The following MDGA2 variants were observed in gnomAD, a reference collection of about 807,000 sequenced individuals.
The protein encoded by MDGA2 is MAM domain containing glycosylphosphatidylinositol anchor 2, also known as MAM domain-containing glycosylphosphatidylinositol anchor protein 2.
Under a neutral mutation model 117.8 loss-of-function variants are expected in MDGA2, and 40 were observed. The ratio of observed to expected loss-of-function variants is 0.34; its 90% confidence interval spans 0.26 to 0.44. The LOEUF is 0.44. MDGA2 is among the 20% of genes least tolerant of loss of function. The pLI, the probability that MDGA2 is intolerant of heterozygous loss-of-function variation, is 1.00. For missense variants in MDGA2, 1,123 were observed against 1,250.6 expected, an observed-to-expected ratio of 0.90 and a Z score of 1.54; for synonymous variants, 452 against 439.0, an observed-to-expected ratio of 1.03 and a Z score of -0.37.
chr14:47,119,174 G>A lies in MDGA2; in HGVS notation c.925+12540C>T, dbSNP rs58975285. Among the ~76,000 whole-genome samples, 10 of 7,416 alleles carry A rather than the reference G, an allele frequency of 1.3e-3. 1 individual carries two copies. The highest frequency in any genetic ancestry group is 1.4e-3 in the African/African-American group (7 of 5,172). 4.9% of individuals were successfully genotyped at this position (7,416 alleles called of 152,430 possible). A position where few individuals can be genotyped will look rare whatever the true frequency, so the allele number is the denominator to read the frequency against. ...CACGCCATTCTCCTGCCTCAGCCCC[G>A]CCCCCCCCCCCCCACCCCGTAGCTG... On this transcript the variant is annotated intron_variant, in intron 5 of 16. Transcript: ENST00000399232.
chr14:46,971,408 G>C (rs1397919378), intron 8 of MDGA2, among the ~76,000 whole-genome samples: 1 of 152,124 alleles, frequency 6.6e-6, no homozygotes, highest in Non-Finnish European at 1.5e-5. Context: ...TCATGCAGTA[G>C]CATGGATGAA....
At chr14:46,851,143 T>G (rs565915828) in intron 15 of MDGA2, among the ~76,000 whole-genome samples, 2 of 152,012 alleles carry the variant, frequency 1.3e-5, no homozygotes, top group South Asian at 4.1e-4. Flanking sequence ...AACCTGTTTC[T>G]AAGTCTTTAA....
intron 1 of MDGA2, among the ~76,000 whole-genome samples, chr14:47,597,845 T>C (rs199618845): frequency 7.8e-4 from 110 of 141,318 alleles, no homozygotes; most frequent in South Asian, 1.7e-3. Flanking sequence ...CACACACACA[T>C]ACACACACAC....
chr14:47,305,125 G>A (rs572353779), intron 1 of MDGA2: 1 of 152,072 alleles, frequency 6.6e-6, no homozygotes, highest in Non-Finnish European at 1.5e-5. Context: ...TTCTATTTTA[G>A]CAACTATCAC....
At chr14:47,263,786 A>G (rs1193426142) in intron 2 of MDGA2, among the ~76,000 whole-genome samples, 1 of 152,176 alleles carries the variant, frequency 6.6e-6, no homozygotes, top group Non-Finnish European at 1.5e-5. Flanking sequence ...TCTTTATATC[A>G]AAATGAAAAA....
intron 1 of MDGA2, among the ~76,000 whole-genome samples, chr14:47,372,280 CA>C (rs541737815): frequency 6.0e-5 from 9 of 150,124 alleles, no homozygotes; most frequent in Admixed American, 2.7e-4. Flanking sequence ...TGGCAAAAAA[CA>C]AAAAAAAGTC....
intron 3 of MDGA2, among the ~76,000 whole-genome samples, chr14:47,197,955 G>A (rs1053940957): frequency 4.1e-4 from 62 of 152,172 alleles, no homozygotes; most frequent in South Asian, 4.2e-4. Context: ...TATTATTTTA[G>A]CACTATGGAG....
intron 8 of MDGA2, among the ~76,000 whole-genome samples, chr14:47,003,232 G>A (rs1887593768): frequency 6.6e-6 from 1 of 152,076 alleles, no homozygotes; most frequent in Non-Finnish European, 1.5e-5. Context: ...GTTGTTGCCA[G>A]CTTTTGACTA....
In MDGA2 at chr14:47,674,580, G is replaced by A. The variant is rs1245067807; in HGVS notation, c.217C>T (p.Leu73=). 1.3e-6 allele frequency: 2 copies of A among 1,551,430 alleles called. No homozygotes were observed. Among genetic ancestry groups the A allele is most frequent in the African/African-American group, 2.7e-5 (2 of 72,994 alleles). Residue 73 remains leucine (L), a synonymous_variant, in exon 1 of 17, where the codon CTG becomes TTG. Transcript: ENST00000399232. ...GTCAGCAGCCACACGAGACCGTACA[G>A]TAAATCCATCTTCACGTGAACATGA... ...YVHVHVKMDL[L]YGLVWLLTVL... is the part of the protein sequence containing the mutation.
chr14:47,198,446 C>T (rs148524272), intron 3 of MDGA2, among the ~76,000 whole-genome samples: 1 of 152,094 alleles, frequency 6.6e-6, no homozygotes, highest in Non-Finnish European at 1.5e-5. Context: ...GTGGCAGGCA[C>T]CTGTAGTCCC....
intron 1 of MDGA2, among the ~76,000 whole-genome samples, chr14:47,641,859 A>G (rs1319650015): frequency 1.3e-5 from 2 of 152,138 alleles, no homozygotes; most frequent in African/African-American, 4.8e-5. Flanking sequence ...TCATTCATCA[A>G]TTGAACTCAT....
At chr14:47,524,490 A>G (rs1447631542) in intron 1 of MDGA2, among the ~76,000 whole-genome samples, 3 of 152,198 alleles carry the variant, frequency 2.0e-5, no homozygotes, top group Non-Finnish European at 4.4e-5. Flanking sequence ...ATTAAGCTAC[A>G]GTATGCTAAG....
At position 47,415,642 on chromosome 14, in the gene MDGA2, T is replaced by C. The variant is rs199954168; in HGVS notation, c.281-114092A>G. On this transcript the variant is annotated intron_variant, in intron 1 of 16. Transcript: ENST00000399232. ...GTCCTGCTAACCCCAAGAGAATTTTTGTATAAACCTTAACAGAATACACAC... is the reference window on the plus strand; with the variant it reads ...GTCCTGCTAACCCCAAGAGAATTTTCGTATAAACCTTAACAGAATACACAC... 2.6e-5 allele frequency among the ~76,000 whole-genome samples: 4 copies of C among 152,194 alleles called. No homozygotes were observed. In the East Asian group the frequency reaches 5.8e-4, roughly 22 times the overall value.
At chr14:47,292,841 ACC>A (rs1888936227) in intron 2 of MDGA2, among the ~76,000 whole-genome samples, 1 of 152,166 alleles carries the variant, frequency 6.6e-6, no homozygotes, top group Admixed American at 6.5e-5. Flanking sequence ...CTAGTCAGCT[ACC>A]CTTGTATTTC....
intron 3 of MDGA2, among the ~76,000 whole-genome samples, chr14:47,178,258 A>G (rs1391716602): frequency 6.6e-6 from 1 of 152,136 alleles, no homozygotes; most frequent in Non-Finnish European, 1.5e-5. Flanking sequence ...ACATTTGGCA[A>G]CTCATTAAAC....
At chr14:47,174,892 A>G (rs1305131787) in intron 3 of MDGA2, among the ~76,000 whole-genome samples, 4 of 152,208 alleles carry the variant, frequency 2.6e-5, no homozygotes, top group East Asian at 3.9e-4. Flanking sequence ...CAAAATTCAT[A>G]GACTGCTTGC....
chr14:47,559,576 CTT>C (rs75462911), intron 1 of MDGA2, among the ~76,000 whole-genome samples: 23 of 138,634 alleles, frequency 1.7e-4, no homozygotes, highest in Non-Finnish European at 2.1e-4. Flanking sequence ...TTTTTCTTTT[CTT>C]TTTTTTTTTT....
intron 3 of MDGA2, among the ~76,000 whole-genome samples, chr14:47,166,618 A>G (rs982157715): frequency 6.6e-6 from 1 of 152,172 alleles, no homozygotes; most frequent in African/African-American, 2.4e-5. Flanking sequence ...CTCAAAAGAG[A>G]TACAACCAAG....
chr14:46,965,996 A>G (rs964712259), intron 8 of MDGA2, among the ~76,000 whole-genome samples: 1 of 148,474 alleles, frequency 6.7e-6, no homozygotes, highest in East Asian at 2.0e-4. Context: ...TTATATTATT[A>G]TATTATACAA....
Sources: gnomAD v4.1 joint callset for allele counts (sites outside exome capture counted in the v4.1 genomes callset) on GRCh38, gnomAD v4.1.1 for gene constraint, MANE v1.5 for transcripts, NCBI Gene and HGNC (gene_info 2026-07-23, HGNC 2026-07-21) for gene names.